The following LCORL variants were observed in gnomAD, a reference collection of about 807,000 sequenced individuals.
LCORL encodes the protein ligand dependent nuclear receptor corepressor like.
A neutral mutation model predicts 141.8 loss-of-function variants in LCORL; 41 were observed. The observed-to-expected ratio is 0.29, with a 90% confidence interval of 0.23 to 0.38. The LOEUF (loss-of-function observed/expected upper bound fraction) is 0.38. Ranked by LOEUF, LCORL falls within the 10% of genes least tolerant of loss-of-function variation. The pLI is 1.00. For synonymous variants in LCORL, 618 were observed against 694.1 expected, an observed-to-expected ratio of 0.89 and a Z score of 1.72; for missense variants, 1,759 against 2,035.0, an observed-to-expected ratio of 0.86 and a Z score of 2.61.
At chr4:17,862,601 C>A (rs964781003) in intron 7 of LCORL, among the ~76,000 whole-genome samples, 5 of 152,156 alleles carry the variant, frequency 3.3e-5, no homozygotes, top group Non-Finnish European at 7.3e-5. Context: ...CTTGACAAAG[C>A]TGACAAAAAC....
chr4:17,881,371 T>G, intron 6 of LCORL: 1 of 980,990 alleles, frequency 1.0e-6, no homozygotes, highest in Non-Finnish European at 1.2e-6. Context: ...GGAATTTCCC[T>G]GCCTTTCCTA....
chr4:17,862,502 C>CT (rs1725131316), intron 7 of LCORL, among the ~76,000 whole-genome samples: 1 of 152,130 alleles, frequency 6.6e-6, no homozygotes, highest in Admixed American at 6.5e-5. Context: ...ACCAAAACAG[C>CT]ATGGTACTAG....
At chr4:17,984,131 G>T (rs568081804) in intron 1 of LCORL, among the ~76,000 whole-genome samples, 1 of 152,144 alleles carries the variant, frequency 6.6e-6, no homozygotes, top group African/African-American at 2.4e-5. Context: ...CCTGATAGTG[G>T]TGTATTAGCT....
intron 1 of LCORL, among the ~76,000 whole-genome samples, chr4:18,010,408 G>T (rs1323054552): frequency 1.3e-5 from 2 of 151,848 alleles, no homozygotes; most frequent in Non-Finnish European, 2.9e-5. Flanking sequence ...CTGTGTGTGT[G>T]TGTGTATATA....
intron 1 of LCORL, among the ~76,000 whole-genome samples, chr4:18,006,963 C>A (rs943471543): frequency 2.0e-5 from 3 of 152,108 alleles, no homozygotes; most frequent in African/African-American, 7.2e-5. Flanking sequence ...GTTCTTTCTC[C>A]TTTTTTCTGT....
intron 6 of LCORL, chr4:17,882,852 A>G (rs1727758220): frequency 2.0e-6 from 2 of 983,204 alleles, no homozygotes; most frequent in Admixed American, 6.2e-5. Context: ...TGTGCACATT[A>G]TAAACATGCT....
At chr4:17,851,608 A>AT (rs1723722869) in intron 7 of LCORL, among the ~76,000 whole-genome samples, 1 of 152,224 alleles carries the variant, frequency 6.6e-6, no homozygotes, top group South Asian at 2.1e-4. Flanking sequence ...AATTGACAGA[A>AT]TTTTTGGCTG....
intron 4 of LCORL, among the ~76,000 whole-genome samples, chr4:17,921,220 G>A (rs569896658): frequency 5.7e-4 from 86 of 151,984 alleles, no homozygotes; most frequent in African/African-American, 1.8e-3. Flanking sequence ...TAGAGACAGG[G>A]TTTCACCATG....
At chr4:18,001,765 C>A (rs1470569431) in intron 1 of LCORL, among the ~76,000 whole-genome samples, 1 of 152,184 alleles carries the variant, frequency 6.6e-6, no homozygotes, top group Admixed American at 6.5e-5. Flanking sequence ...TCCAAGATCA[C>A]AATTCACTAC....
intron 4 of LCORL, among the ~76,000 whole-genome samples, chr4:17,913,597 G>T (rs1413990126): frequency 6.6e-6 from 1 of 152,190 alleles, no homozygotes; most frequent in Non-Finnish European, 1.5e-5. Flanking sequence ...GAGAAAGGCA[G>T]CCAAAGCTTG....
intron 4 of LCORL, among the ~76,000 whole-genome samples, chr4:17,959,896 A>AT (rs1300251184): frequency 6.6e-6 from 1 of 152,162 alleles, no homozygotes; most frequent in Non-Finnish European, 1.5e-5. Flanking sequence ...TGTCTTTAAA[A>AT]TAATATTTCT....
intron 2 of LCORL, among the ~76,000 whole-genome samples, chr4:17,970,613 G>T (rs1211356193): frequency 6.6e-6 from 1 of 152,110 alleles, no homozygotes; most frequent in Non-Finnish European, 1.5e-5. Flanking sequence ...GCTTCAATGG[G>T]CAATAAAGGC....
chr4:17,868,115 T>C (rs1229454186), intron 7 of LCORL, among the ~76,000 whole-genome samples: 1 of 152,192 alleles, frequency 6.6e-6, no homozygotes, highest in Non-Finnish European at 1.5e-5. Context: ...GTGTTCAAAA[T>C]ATGTGTTAAA....
At chr4:17,963,607 A>T (rs1714285401) in intron 2 of LCORL, among the ~76,000 whole-genome samples, 1 of 151,566 alleles carries the variant, frequency 6.6e-6, no homozygotes, top group African/African-American at 2.4e-5. Flanking sequence ...AATCAGGTAA[A>T]CAAATAAGGT....
intron 4 of LCORL, among the ~76,000 whole-genome samples, chr4:17,927,219 T>C (rs1735287072): frequency 6.6e-6 from 1 of 152,154 alleles, no homozygotes; most frequent in African/African-American, 2.4e-5. Context: ...CCAACTTCTC[T>C]CCTGAAGCTT....
exon 7 of LCORL, chr4:17,875,627 C>A: frequency 8.1e-7 from 1 of 1,231,220 alleles, no homozygotes. Context: ...CTGGGCTTTT[C>A]CTTCCAGCAC....
chr4:17,938,299 G>A (rs956502146), intron 4 of LCORL, among the ~76,000 whole-genome samples: 2 of 151,800 alleles, frequency 1.3e-5, no homozygotes, highest in African/African-American at 4.8e-5. Context: ...GAGCCACCAC[G>A]CACAGCCATA....
intron 4 of LCORL, among the ~76,000 whole-genome samples, chr4:17,950,010 G>A (rs532896878): frequency 1.3e-5 from 2 of 152,186 alleles, no homozygotes; most frequent in African/African-American, 4.8e-5. Flanking sequence ...GGGGAAAAAT[G>A]CCACCTCAAT....
At position 17,881,965 on chromosome 4, in the gene LCORL, A is replaced by C. The variant is rs1025730878; in HGVS notation, c.777-3752T>G. On this transcript the variant is annotated intron_variant, in intron 6 of 7. Transcript: ENST00000635767. ...TCTGCTGTTCTGTAATCTATTATGT[A>C]TATTTTCTTGGGGTGAAAAAAAAAA... The C allele has an allele frequency of 6.5e-5, 64 of 977,898 alleles. No individual in the cohort carries two copies. The African/African-American group carries it at 1.0e-3, about 16-fold the overall frequency. 60.6% of individuals were successfully genotyped at this position (977,898 alleles called of 1,614,324 possible).
Sources: allele counts gnomAD v4.1 joint callset (sites outside exome capture counted in the v4.1 genomes callset), GRCh38; gene constraint gnomAD v4.1.1; transcripts MANE v1.5; gene names NCBI Gene and HGNC (gene_info 2026-07-23, HGNC 2026-07-21).